The following PRDM16 variants were observed in gnomAD, a reference collection of about 807,000 sequenced individuals.
PRDM16 encodes PR/SET domain 16, also known as histone-lysine N-methyltransferase PRDM16.
A neutral mutation model predicts 110.6 loss-of-function variants in PRDM16; 23 were observed. The observed-to-expected ratio is 0.21, with a 90% confidence interval of 0.15 to 0.29. The LOEUF is 0.29. Ranked by LOEUF, PRDM16 falls within the 10% of genes least tolerant of loss-of-function variation. The pLI, the probability that PRDM16 is intolerant of heterozygous loss-of-function variation, is 1.00. For missense variants in PRDM16, 1,615 were observed against 1,794.3 expected (o/e 0.90, Z 1.81); for synonymous variants, 799 against 781.8 (o/e 1.02, Z -0.37).
At chr1:3,279,947 C>T (rs1044321231) in intron 3 of PRDM16, among the ~76,000 whole-genome samples, 8 of 150,730 alleles carry the variant, frequency 5.3e-5, no homozygotes, top group South Asian at 2.1e-4. Flanking sequence ...AGCATGAGCT[C>T]GGTCAAGACA....
intron 1 of PRDM16, among the ~76,000 whole-genome samples, chr1:3,123,756 C>T (rs972011007): frequency 6.6e-6 from 1 of 152,252 alleles, no homozygotes; most frequent in Non-Finnish European, 1.5e-5. Context: ...AAGCAGGGTG[C>T]TCACGGGGTG....
At chr1:3,344,886 G>C (rs760419749) in intron 3 of PRDM16, among the ~76,000 whole-genome samples, 1 of 152,244 alleles carries the variant, frequency 6.6e-6, no homozygotes, top group Non-Finnish European at 1.5e-5. Flanking sequence ...AAGCCCTGCT[G>C]TGGTAAGCAG....
intron 12 of PRDM16, among the ~76,000 whole-genome samples, chr1:3,419,546 G>A (rs529364755): frequency 1.8e-4 from 28 of 152,322 alleles, no homozygotes; most frequent in African/African-American, 6.0e-4. Context: ...ACTGGGAGGC[G>A]AATGGGGAAA....
At chr1:3,139,319 AC>A (rs1010318205) in intron 1 of PRDM16, among the ~76,000 whole-genome samples, 2 of 152,102 alleles carry the variant, frequency 1.3e-5, no homozygotes, top group Non-Finnish European at 2.9e-5. Flanking sequence ...TGCAGATGAG[AC>A]CCATGGAAAG....
intron 2 of PRDM16, among the ~76,000 whole-genome samples, chr1:3,232,222 C>T (rs774411521): frequency 1.3e-5 from 2 of 152,220 alleles, no homozygotes; most frequent in Non-Finnish European, 2.9e-5. Context: ...CCAAATGGAA[C>T]CAGTTCAAGG....
At chr1:3,423,669 A>G (rs1277020558) in intron 12 of PRDM16, among the ~76,000 whole-genome samples, 1 of 152,116 alleles carries the variant, frequency 6.6e-6, no homozygotes, top group Non-Finnish European at 1.5e-5. Context: ...CTCTGTGGGA[A>G]CGAAGGCCAC....
intron 3 of PRDM16, among the ~76,000 whole-genome samples, chr1:3,319,862 C>T (rs1355670883): frequency 1.3e-5 from 2 of 152,178 alleles, no homozygotes; most frequent in Non-Finnish European, 2.9e-5. Flanking sequence ...CCTTTTCTGC[C>T]CATACTTGCA....
intron 2 of PRDM16, among the ~76,000 whole-genome samples, chr1:3,221,041 G>T (rs1639139522): frequency 6.6e-6 from 1 of 152,230 alleles, no homozygotes; most frequent in South Asian, 2.1e-4. Flanking sequence ...TACAACCCAG[G>T]GTGGTCAGTG....
chr1:3,373,611 C>A (rs1642943510), intron 3 of PRDM16, among the ~76,000 whole-genome samples: 1 of 152,234 alleles, frequency 6.6e-6, no homozygotes, highest in Non-Finnish European at 1.5e-5. Flanking sequence ...CAGACTTGAT[C>A]CACCCCTGGG....
At chr1:3,319,137 G>C (rs147952093) in intron 3 of PRDM16, among the ~76,000 whole-genome samples, 1 of 152,310 alleles carries the variant, frequency 6.6e-6, no homozygotes, top group East Asian at 1.9e-4. Flanking sequence ...TCTGGCATGA[G>C]TGGGGACTGC....
intron 3 of PRDM16, among the ~76,000 whole-genome samples, chr1:3,270,820 G>A (rs1454523777): frequency 6.6e-6 from 1 of 151,888 alleles, no homozygotes; most frequent in African/African-American, 2.4e-5. Context: ...AGTCCCAGGG[G>A]AGGAAAGTCG....
At position 3,436,927 on chromosome 1, in the gene PRDM16, G is replaced by A. The variant is rs960005056; in HGVS notation, c.*3116G>A. On this transcript the variant is annotated 3_prime_UTR_variant, in exon 17 of 17. Coordinates refer to ENST00000270722, the MANE Select transcript of PRDM16 (RefSeq NM_022114.4). Reference sequence around the variant, plus strand: ...CCCCCATCCCCCAAATGGAAATTCCGAAGGAGGCCTCCTCGCACCTGCCCT... The same window carrying A: ...CCCCCATCCCCCAAATGGAAATTCCAAAGGAGGCCTCCTCGCACCTGCCCT... The A allele has an allele frequency of 4.7e-5, 11 of 232,698 alleles. No individual in the cohort carries two copies. Among genetic ancestry groups the A allele is most frequent in the East Asian group, 2.4e-4 (4 of 16,518 alleles). 14.4% of individuals were successfully genotyped at this position (232,698 alleles called of 1,614,324 possible).
At chr1:3,394,113 T>TG in intron 4 of PRDM16, among the ~76,000 whole-genome samples, 1 of 150,458 alleles carries the variant, frequency 6.6e-6, no homozygotes, top group South Asian at 2.1e-4. Flanking sequence ...GCCCTCGGAT[T>TG]GGGGGAAGAG....
intron 3 of PRDM16, among the ~76,000 whole-genome samples, chr1:3,284,230 G>T (rs1176019822): frequency 6.6e-6 from 1 of 152,246 alleles, no homozygotes; most frequent in Non-Finnish European, 1.5e-5. Flanking sequence ...AGCGTCCCAG[G>T]TTCCCCAGAC....
In PRDM16 at chr1:3,314,071, C is replaced by CGGGGGGCG. The variant is rs1553161915; in HGVS notation, c.438+69940_438+69941insCGGGGGGG. ...GCCCCCGAATGCCGTCCTTCCCCAC[C>CGGGGGGCG]GGGGGGGGGGGCGGGAACATAAAAT... On this transcript the variant is annotated intron_variant, in intron 3 of 16. Transcript: ENST00000270722. 8.4e-4 allele frequency among the ~76,000 whole-genome samples: 85 copies of CGGGGGGCG among 100,660 alleles called. 8 individuals carry two copies. Among genetic ancestry groups the CGGGGGGCG allele is most frequent in the African/African-American group, 5.0e-3 (82 of 16,358 alleles). 66.0% of individuals were successfully genotyped at this position (100,660 alleles called of 152,430 possible). A position where few individuals can be genotyped will look rare whatever the true frequency, so the allele number is the denominator to read the frequency against.
intron 2 of PRDM16, among the ~76,000 whole-genome samples, chr1:3,237,231 G>C (rs1326263201): frequency 1.3e-5 from 2 of 151,942 alleles, no homozygotes; most frequent in African/African-American, 4.8e-5. Flanking sequence ...GTCCTCAAAG[G>C]GCCATGGCAG....
intron 2 of PRDM16, among the ~76,000 whole-genome samples, chr1:3,211,389 C>T (rs754952075): frequency 3.9e-5 from 6 of 152,242 alleles, no homozygotes; most frequent in Non-Finnish European, 8.8e-5. Flanking sequence ...GTTGACCGAA[C>T]ATCTCTCGTG....
intron 3 of PRDM16, among the ~76,000 whole-genome samples, chr1:3,283,555 C>T (rs559787361): frequency 2.2e-4 from 34 of 152,148 alleles, no homozygotes; most frequent in African/African-American, 7.7e-4. Flanking sequence ...AGAGAGGGGA[C>T]GGACAGCGAA....
At chr1:3,325,849 C>G (rs1641877644) in intron 3 of PRDM16, among the ~76,000 whole-genome samples, 1 of 152,158 alleles carries the variant, frequency 6.6e-6, no homozygotes, top group Admixed American at 6.5e-5. Context: ...CCCTCCTTGG[C>G]CTTCCTTAGC....
Sources: allele counts gnomAD v4.1 joint callset (sites outside exome capture counted in the v4.1 genomes callset), GRCh38; gene constraint gnomAD v4.1.1; transcripts MANE v1.5; gene names NCBI Gene and HGNC (gene_info 2026-07-23, HGNC 2026-07-21).